Variants in ZNF609 observed in about 807,000 individuals in gnomAD.
ZNF609 encodes the protein zinc finger protein 609.
ZNF609 carries 11 observed loss-of-function variants against 109.5 expected under a neutral mutation model. The observed-to-expected ratio is 0.10, with a 90% CI of 0.06 to 0.17. The LOEUF is 0.17. Ranked by LOEUF, ZNF609 falls within the 10% of genes least tolerant of loss-of-function variation. The pLI is 1.00. For missense variants in ZNF609, 1,559 were observed against 1,772.4 expected (o/e 0.88, Z 2.16); for synonymous variants, 646 against 662.0 (o/e 0.98, Z 0.37).
At chr15:64,479,099 A>G (rs953758240) in intron 1 of ZNF609, among the ~76,000 whole-genome samples, 1 of 152,002 alleles carries the variant, frequency 6.6e-6, no homozygotes, top group African/African-American at 2.4e-5. Context: ...TGGATTTCAG[A>G]TGAGTTTCGT....
chr15:64,512,076 A>G (rs2140358537), intron 2 of ZNF609, among the ~76,000 whole-genome samples: 1 of 151,778 alleles, frequency 6.6e-6, no homozygotes, highest in South Asian at 2.1e-4. Context: ...AATCACTATC[A>G]TGTGAAAAGG....
At chr15:64,658,967 A>G (rs1410308251) in intron 3 of ZNF609, among the ~76,000 whole-genome samples, 1 of 152,142 alleles carries the variant, frequency 6.6e-6, no homozygotes, top group Non-Finnish European at 1.5e-5. Context: ...AACTATTTTC[A>G]TATTTTTAGT....
intron 3 of ZNF609, among the ~76,000 whole-genome samples, chr15:64,656,856 C>T (rs1341320023): frequency 6.6e-6 from 1 of 152,012 alleles, no homozygotes; most frequent in Non-Finnish European, 1.5e-5. Context: ...CATTCTCCGA[C>T]ACCACCCTGC....
At chr15:64,552,713 G>C (rs1894503557) in intron 2 of ZNF609, among the ~76,000 whole-genome samples, 1 of 152,130 alleles carries the variant, frequency 6.6e-6, no homozygotes, top group South Asian at 2.1e-4. Context: ...GCAGTGATGG[G>C]ATCATAGCTC....
At chr15:64,553,834 G>A (rs919372678) in intron 2 of ZNF609, among the ~76,000 whole-genome samples, 1 of 152,140 alleles carries the variant, frequency 6.6e-6, no homozygotes, top group South Asian at 2.1e-4. Flanking sequence ...TCCTGACCTC[G>A]TGATCCACCT....
At chr15:64,466,031 G>A (rs1045166247) in intron 1 of ZNF609, among the ~76,000 whole-genome samples, 1 of 142,690 alleles carries the variant, frequency 7.0e-6, no homozygotes, top group Admixed American at 7.8e-5. Flanking sequence ...CAGGAGAATC[G>A]CTTGAACCCG....
At chr15:64,463,314 C>G (rs939998994) in intron 1 of ZNF609, among the ~76,000 whole-genome samples, 12 of 151,464 alleles carry the variant, frequency 7.9e-5, no homozygotes, top group African/African-American at 2.9e-4. Context: ...AGAAAGATCT[C>G]GTTGAGCCCA....
intron 3 of ZNF609, among the ~76,000 whole-genome samples, chr15:64,645,031 T>G (rs569358495): frequency 6.8e-6 from 1 of 146,288 alleles, no homozygotes; most frequent in South Asian, 2.2e-4. Context: ...CTTCCTTCCT[T>G]TCTTCCTTCC....
At chr15:64,461,965 G>A (rs1013563631) in intron 1 of ZNF609, among the ~76,000 whole-genome samples, 4 of 152,168 alleles carry the variant, frequency 2.6e-5, no homozygotes, top group African/African-American at 9.7e-5. Context: ...CACAATAGTC[G>A]TGTCATTTTA....
At chr15:64,567,503 C>G (rs1442378017) in intron 2 of ZNF609, among the ~76,000 whole-genome samples, 2 of 151,586 alleles carry the variant, frequency 1.3e-5, no homozygotes, top group African/African-American at 4.8e-5. Flanking sequence ...AAAAAACATT[C>G]CATCTAAAAA....
intron 1 of ZNF609, among the ~76,000 whole-genome samples, chr15:64,492,173 G>T (rs933939394): frequency 1.3e-5 from 2 of 152,054 alleles, no homozygotes; most frequent in African/African-American, 4.8e-5. Flanking sequence ...AAGCCAGGAG[G>T]TGGAGGTTGC....
At chr15:64,528,884 T>A in intron 2 of ZNF609, 1 of 1,002,832 alleles carries the variant, frequency 1.0e-6, no homozygotes. Context: ...CTCCGATGCC[T>A]ACTTCACCAC....
intron 3 of ZNF609, among the ~76,000 whole-genome samples, chr15:64,630,144 G>A (rs1298154719): frequency 6.9e-6 from 1 of 144,590 alleles, no homozygotes; most frequent in Admixed American, 7.0e-5. Context: ...GTTGCCCGGG[G>A]TACAATGGCC....
At chr15:64,531,599 A>G (rs1894065060) in intron 2 of ZNF609, among the ~76,000 whole-genome samples, 1 of 151,962 alleles carries the variant, frequency 6.6e-6, no homozygotes, top group South Asian at 2.1e-4. Context: ...GGGTCTCCCT[A>G]TGTTGCCCAG....
chr15:64,511,237 C>T (rs1011217873), intron 2 of ZNF609, among the ~76,000 whole-genome samples: 19 of 151,646 alleles, frequency 1.3e-4, no homozygotes, highest in African/African-American at 3.1e-4. Flanking sequence ...TTTGGAAGGC[C>T]GAGGCAGGTG....
chr15:64,607,291 A>G (rs1024968836), intron 2 of ZNF609, among the ~76,000 whole-genome samples: 2 of 152,128 alleles, frequency 1.3e-5, no homozygotes, highest in Admixed American at 6.6e-5. Flanking sequence ...CAAACATTAT[A>G]TACATTATCT....
At chr15:64,595,608 A>T (rs927188544) in intron 2 of ZNF609, among the ~76,000 whole-genome samples, 15 of 152,328 alleles carry the variant, frequency 9.8e-5, no homozygotes, top group African/African-American at 3.6e-4. Flanking sequence ...TAGCTGAACA[A>T]GCCCTAATAC....
rs1170783769 is a variant in ZNF609, at chr15:64,645,008, T to TCTTC, written c.973+21976_973+21979dup. Among the ~76,000 whole-genome samples the TCTTC allele has an allele frequency of 4.4e-3, 623 of 140,130 alleles. 2 individuals are homozygous for TCTTC. The highest frequency in any genetic ancestry group is 9.2e-3 in the African/African-American group (321 of 34,860). 91.9% of individuals were successfully genotyped at this position (140,130 alleles called of 152,430 possible). A position where few individuals can be genotyped will look rare whatever the true frequency, so the allele number is the denominator to read the frequency against. ...TTCTTTCTTTCTTTCTTTCTTTCTT[T>TCTTC]CTTCCTTCCTTCCTTCCTTCCTTTC... On this transcript the variant is annotated intron_variant, in intron 3 of 9. Coordinates refer to ENST00000326648, the MANE Select transcript of ZNF609 (RefSeq NM_015042.2).
At chr15:64,562,302 A>G (rs1894693704) in intron 2 of ZNF609, among the ~76,000 whole-genome samples, 1 of 152,218 alleles carries the variant, frequency 6.6e-6, no homozygotes, top group African/African-American at 2.4e-5. Flanking sequence ...GGGTGCCTTC[A>G]AAGTAGACTA....
Sources: gnomAD v4.1 joint callset for allele counts (sites outside exome capture counted in the v4.1 genomes callset) on GRCh38, gnomAD v4.1.1 for gene constraint, MANE v1.5 for transcripts, NCBI Gene and HGNC (gene_info 2026-07-23, HGNC 2026-07-21) for gene names.